SLC16A10: variants seen among roughly 807,000 people sequenced by gnomAD.
SLC16A10 encodes solute carrier family 16 member 10, also known as monocarboxylate transporter 10.
SLC16A10 carries 27 observed loss-of-function variants against 40.0 expected under a neutral mutation model. The ratio of observed to expected loss-of-function variants is 0.67; its 90% CI spans 0.50 to 0.93. The LOEUF (loss-of-function observed/expected upper bound fraction) is 0.93, where lower values mean the gene tolerates loss of function less well. Ranked by LOEUF, SLC16A10 falls within the 40% of genes least tolerant of loss-of-function variation. The pLI is 0.00. For missense variants in SLC16A10, 529 were observed against 658.2 expected (o/e 0.80, Z 2.15); for synonymous variants, 213 against 249.8 (o/e 0.85, Z 1.39).
intron 3 of SLC16A10, among the ~76,000 whole-genome samples, chr6:111,202,461 G>A (rs1044758535): frequency 6.6e-6 from 1 of 152,176 alleles, no homozygotes; most frequent in African/African-American, 2.4e-5. Context: ...CTGGGCAACA[G>A]AGTGAAACTC....
At chr6:111,163,442 G>A (rs953936637) in intron 1 of SLC16A10, among the ~76,000 whole-genome samples, 2 of 151,994 alleles carry the variant, frequency 1.3e-5, no homozygotes, top group African/African-American at 4.8e-5. Flanking sequence ...GTGAGCCACC[G>A]CACCCGGCAA....
intron 1 of SLC16A10, among the ~76,000 whole-genome samples, chr6:111,123,868 A>G (rs1417238208): frequency 9.9e-5 from 15 of 152,134 alleles, no homozygotes; most frequent in Admixed American, 9.8e-4. Context: ...GTGTTATGTT[A>G]CCATCTGGGA....
At position 111,219,062 on chromosome 6, in the gene SLC16A10, A is replaced by G. The variant is rs753063730; in HGVS notation, c.1315+20A>G. ...TTGCAGGTAAATATAATGATTCTCC[A>G]GTAGTTATATTAATTCATAGTATTT... On this transcript the variant is annotated intron_variant, in intron 5 of 5. Coordinates refer to ENST00000368851, the MANE Select transcript of SLC16A10 (RefSeq NM_018593.5). The G allele has an allele frequency of 2.5e-6, 4 of 1,592,590 alleles. No homozygotes were observed. The highest frequency in any genetic ancestry group is 3.4e-6 in the Non-Finnish European group (4 of 1,160,994).
intron 3 of SLC16A10, among the ~76,000 whole-genome samples, chr6:111,185,156 T>TA (rs2114557703): frequency 6.6e-6 from 1 of 152,338 alleles, no homozygotes; most frequent in Non-Finnish European, 1.5e-5. Flanking sequence ...AAATAACACA[T>TA]ACTTAGAGCC....
At chr6:111,131,671 C>G (rs1434962306) in intron 1 of SLC16A10, among the ~76,000 whole-genome samples, 1 of 152,172 alleles carries the variant, frequency 6.6e-6, no homozygotes, top group Non-Finnish European at 1.5e-5. Flanking sequence ...TCTAACAGCC[C>G]CCAACCCTTC....
chr6:111,111,492 G>A (rs916954902), intron 1 of SLC16A10, among the ~76,000 whole-genome samples: 10 of 152,082 alleles, frequency 6.6e-5, no homozygotes, highest in South Asian at 4.1e-4. Flanking sequence ...AGGGCAAGGC[G>A]GGAGGATTGA....
At position 111,227,712 on chromosome 6, in the gene SLC16A10, A is replaced by T. The variant is rs1165686729; in HGVS notation, c.*5477A>T. 1 of 152,206 alleles carries T rather than the reference A, an allele frequency of 6.6e-6. No individual in the cohort carries two copies. The highest frequency in any genetic ancestry group is 1.5e-5 in the Non-Finnish European group (1 of 68,038). 9.4% of individuals were successfully genotyped at this position (152,206 alleles called of 1,614,324 possible). A position where few individuals can be genotyped will look rare whatever the true frequency, so the allele number is the denominator to read the frequency against. ...CCCCATGGTACTATATTCCTGACAG[A>T]TATAAAATAACATGAGGCTACCTCA... On this transcript the variant is annotated 3_prime_UTR_variant, in exon 6 of 6. Transcript: ENST00000368851.
At chr6:111,160,362 C>T (rs1051380582) in intron 1 of SLC16A10, among the ~76,000 whole-genome samples, 1 of 152,204 alleles carries the variant, frequency 6.6e-6, no homozygotes, top group Non-Finnish European at 1.5e-5. Flanking sequence ...CTTCAGCCTC[C>T]TGAATAGCTG....
chr6:111,195,118 G>A (rs1350152207), intron 3 of SLC16A10, among the ~76,000 whole-genome samples: 1 of 151,462 alleles, frequency 6.6e-6, no homozygotes, highest in Non-Finnish European at 1.5e-5. Context: ...TGATTTTAGG[G>A]AAAAAAAAGA....
At chr6:111,192,188 C>G (rs1773006023) in intron 3 of SLC16A10, among the ~76,000 whole-genome samples, 1 of 152,166 alleles carries the variant, frequency 6.6e-6, no homozygotes, top group Non-Finnish European at 1.5e-5. Context: ...CTTTTATGCT[C>G]TGCTTCCTCT....
In SLC16A10 at chr6:111,191,112, G is replaced by A. The variant is rs151041276; in HGVS notation, c.942+13447G>A. Among the ~76,000 whole-genome samples the A allele has an allele frequency of 1.7e-3, 259 of 152,186 alleles. 2 individuals are homozygous for A. The highest frequency in any genetic ancestry group is 5.9e-3 in the African/African-American group (247 of 41,514). Reference sequence around the variant, plus strand: ...CATACATATGCCATGGTAGTTTGCTGTATCCATCAACCTGTCATCTACATT... The same window carrying A: ...CATACATATGCCATGGTAGTTTGCTATATCCATCAACCTGTCATCTACATT... On this transcript the variant is annotated intron_variant, in intron 3 of 5. Coordinates refer to ENST00000368851, the MANE Select transcript of SLC16A10 (RefSeq NM_018593.5).
intron 4 of SLC16A10, among the ~76,000 whole-genome samples, chr6:111,213,637 TCA>T (rs1013742524): frequency 2.0e-5 from 3 of 152,238 alleles, no homozygotes; most frequent in Non-Finnish European, 4.4e-5. Flanking sequence ...GGCTCCGTAC[TCA>T]GTCTCATCTA....
At chr6:111,155,283 C>G (rs1280830138) in intron 1 of SLC16A10, among the ~76,000 whole-genome samples, 1 of 151,706 alleles carries the variant, frequency 6.6e-6, no homozygotes, top group Non-Finnish European at 1.5e-5. Context: ...CTCACTGCAG[C>G]CTTGACCTCC....
chr6:111,179,860 G>T (rs901835592), intron 3 of SLC16A10, among the ~76,000 whole-genome samples: 1 of 152,216 alleles, frequency 6.6e-6, no homozygotes, highest in African/African-American at 2.4e-5. Flanking sequence ...ATAGCTAAAT[G>T]CCATACAGGT....
intron 1 of SLC16A10, among the ~76,000 whole-genome samples, chr6:111,144,630 A>G (rs1772044414): frequency 6.6e-6 from 1 of 152,250 alleles, no homozygotes; most frequent in Non-Finnish European, 1.5e-5. Flanking sequence ...AAACTACTCT[A>G]TAGATCAGCA....
chr6:111,177,497 C>G lies in SLC16A10; in HGVS notation c.774C>G (p.Thr258=). The change falls in exon 3 of 6, where the codon ACC becomes ACG. Residue 258 remains threonine (T), a synonymous_variant. Transcript: ENST00000368851. ...GFTYRPLATS[T]KDKESGGSGS... is the part of the protein sequence containing the mutation. ...CTTACCGACCTCTTGCTACCAGTACCAAAGATAAAGAGAGTGGAGGTAGCG... is the reference window on the plus strand; with the variant it reads ...CTTACCGACCTCTTGCTACCAGTACGAAAGATAAAGAGAGTGGAGGTAGCG... The G allele has an allele frequency of 6.2e-7, 1 of 1,614,064 alleles. No individual in the cohort carries two copies. Among genetic ancestry groups the G allele is most frequent in the Non-Finnish European group, 8.5e-7 (1 of 1,180,016 alleles).
chr6:111,199,793 TG>T, intron 3 of SLC16A10, among the ~76,000 whole-genome samples: 1 of 55,354 alleles, frequency 1.8e-5, no homozygotes, highest in Non-Finnish European at 5.5e-5. Context: ...ATAGATGGAC[TG>T]TTTATTTGTT....
At chr6:111,141,155 G>C (rs745583807) in intron 1 of SLC16A10, among the ~76,000 whole-genome samples, 1 of 152,048 alleles carries the variant, frequency 6.6e-6, no homozygotes, top group Non-Finnish European at 1.5e-5. Context: ...TGTGATGTTT[G>C]GGTGAATAAT....
rs186474903 is a variant in SLC16A10, at chr6:111,120,154, C to T, written c.343+32059C>T. 9.1e-4 allele frequency among the ~76,000 whole-genome samples: 138 copies of T among 152,334 alleles called. 1 individual carries two copies. Among genetic ancestry groups the T allele is most frequent in the Non-Finnish European group, 1.3e-3 (89 of 68,028 alleles). On this transcript the variant is annotated intron_variant, in intron 1 of 5. Transcript: ENST00000368851. ...ACTGACACTCAGGGAAACATGCTGACGTCATTCTTCCAACATCCTTAGTTT... is the reference window on the plus strand; with the variant it reads ...ACTGACACTCAGGGAAACATGCTGATGTCATTCTTCCAACATCCTTAGTTT...
Sources: allele counts gnomAD v4.1 joint callset (sites outside exome capture counted in the v4.1 genomes callset), GRCh38; gene constraint gnomAD v4.1.1; transcripts MANE v1.5; gene names NCBI Gene and HGNC (gene_info 2026-07-23, HGNC 2026-07-21).